Variants in GLIS1 observed in about 807,000 individuals in gnomAD.
GLIS1 encodes the protein GLIS family zinc finger 1.
In GLIS1, 24 loss-of-function variants were observed where a neutral mutation model predicts 63.8. The ratio of observed to expected loss-of-function variants is 0.38; its 90% confidence interval spans 0.27 to 0.53. The LOEUF (loss-of-function observed/expected upper bound fraction) is 0.53. Ranked by LOEUF, GLIS1 falls within the 20% of genes least tolerant of loss-of-function variation. The pLI, the probability that GLIS1 is intolerant of heterozygous loss-of-function variation, is 0.85. For synonymous variants in GLIS1, 450 were observed against 482.5 expected (o/e 0.93, Z 0.88); for missense variants, 1,036 against 1,074.1 (o/e 0.96, Z 0.50).
intron 6 of GLIS1, among the ~76,000 whole-genome samples, chr1:53,523,555 T>C (rs1644433254): frequency 6.6e-6 from 1 of 152,164 alleles, no homozygotes; most frequent in African/African-American, 2.4e-5. Flanking sequence ...TCCTCCTCTG[T>C]CATGCCAGTG....
chr1:53,673,902 T>C (rs1036777901), intron 2 of GLIS1, among the ~76,000 whole-genome samples: 2 of 152,210 alleles, frequency 1.3e-5, no homozygotes, highest in African/African-American at 4.8e-5. Context: ...CCGGGAGCGG[T>C]GGCTCACGCC....
At chr1:53,624,448 C>T (rs534307030) in intron 2 of GLIS1, among the ~76,000 whole-genome samples, 1 of 152,268 alleles carries the variant, frequency 6.6e-6, no homozygotes, top group East Asian at 1.9e-4. Flanking sequence ...GAAAAGAGCA[C>T]ACTTTGGGAC....
At chr1:53,554,768 T>G (rs1644799837) in intron 4 of GLIS1, among the ~76,000 whole-genome samples, 1 of 152,184 alleles carries the variant, frequency 6.6e-6, no homozygotes, top group Non-Finnish European at 1.5e-5. Context: ...TCTGACAGGC[T>G]GGGGCACATT....
chr1:53,523,005 T>TTTTTTTTTTA (rs1644427143), intron 6 of GLIS1, among the ~76,000 whole-genome samples: 3 of 149,928 alleles, frequency 2.0e-5, no homozygotes, highest in African/African-American at 7.4e-5. Context: ...TTTTTTTTTT[T>TTTTTTTTTTA]GAGACAGGGT....
At chr1:53,604,740 T>C (rs552527685) in intron 2 of GLIS1, among the ~76,000 whole-genome samples, 1 of 152,196 alleles carries the variant, frequency 6.6e-6, no homozygotes, top group East Asian at 1.9e-4. Flanking sequence ...GGGCAGGTGA[T>C]TTGCCCAAGC....
At chr1:53,670,079 C>T (rs558505425) in intron 2 of GLIS1, among the ~76,000 whole-genome samples, 1 of 152,332 alleles carries the variant, frequency 6.6e-6, no homozygotes, top group South Asian at 2.1e-4. Context: ...ACAAGAGTGG[C>T]TCAGCAGCCA....
chr1:53,725,962 C>T (rs1445269285), intron 2 of GLIS1, among the ~76,000 whole-genome samples: 1 of 152,192 alleles, frequency 6.6e-6, no homozygotes, highest in African/African-American at 2.4e-5. Flanking sequence ...TTCTTTCTAT[C>T]CTTTGCTCTA....
intron 4 of GLIS1, among the ~76,000 whole-genome samples, chr1:53,533,833 C>A (rs1293532315): frequency 6.6e-6 from 1 of 152,132 alleles, no homozygotes; most frequent in Non-Finnish European, 1.5e-5. Flanking sequence ...GGGATGAGAG[C>A]GACCATCAGT....
rs902458303 is a variant in GLIS1, at chr1:53,594,375, G to A, written c.1053C>T (p.Gly351=). ...CCAGCCCCAGGCCTCCAAGGCTTGG[G>A]CCAGGCGGCAACTGAGACAGGGGAT... ...PPYPLSQLPP[G]PSLGGLGLGL... Residue 351 remains glycine (G), a synonymous_variant, in exon 4 of 11, where the codon GGC becomes GGT. Transcript: ENST00000628545. 16 of 1,611,548 alleles carry A rather than the reference G, an allele frequency of 9.9e-6. No homozygotes were observed. The highest frequency in any genetic ancestry group is 1.4e-5 in the Non-Finnish European group (16 of 1,179,056).
intron 4 of GLIS1, among the ~76,000 whole-genome samples, chr1:53,545,531 T>G (rs550780902): frequency 6.6e-6 from 1 of 152,198 alleles, no homozygotes; most frequent in African/African-American, 2.4e-5. Flanking sequence ...ACAGTAAGTA[T>G]AGTATGATTC....
chr1:53,530,503 G>A (rs549681812), intron 4 of GLIS1, among the ~76,000 whole-genome samples: 62 of 152,278 alleles, frequency 4.1e-4, no homozygotes, highest in African/African-American at 1.3e-3. Flanking sequence ...GGGTTTGTCC[G>A]TCTGGAGCAC....
Position 53,532,833 on chromosome 1 carries a change from C to T in GLIS1, c.1321-2881G>A, listed in dbSNP as rs530472. Among the ~76,000 whole-genome samples the T allele has an allele frequency of 6.9e-3, 1,044 of 152,348 alleles. 18 individuals are homozygous for T. Among genetic ancestry groups the T allele is most frequent in the South Asian group, 0.045 (217 of 4,832 alleles). On this transcript the variant is annotated intron_variant, in intron 4 of 10. Coordinates refer to ENST00000628545, the MANE Select transcript of GLIS1 (RefSeq NM_001367484.1). ...CGAGGTCTGTGTATTCCTGCCTTGGCCAACCCTCTGCTCAGCACAGTTGCT... is the reference window on the plus strand; with the variant it reads ...CGAGGTCTGTGTATTCCTGCCTTGGTCAACCCTCTGCTCAGCACAGTTGCT...
chr1:53,678,468 G>A (rs894154590), intron 2 of GLIS1, among the ~76,000 whole-genome samples: 1 of 151,754 alleles, frequency 6.6e-6, no homozygotes, highest in African/African-American at 2.4e-5. Flanking sequence ...AAAAACAAAA[G>A]CCAGGTCTCT....
In GLIS1 at chr1:53,529,808, G is replaced by A. The variant is rs1183783382; in HGVS notation, c.1465C>T (p.Arg489Cys). 1.2e-6 allele frequency: 2 copies of A among 1,612,390 alleles called. No homozygotes were observed. Among genetic ancestry groups the A allele is most frequent in the African/African-American group, 2.7e-5 (2 of 74,898 alleles). ...GGGCCTACCGTGTCTAGGTGGGTGC[G>A]CTGGTGCTTGGCGCGGTCGCTGGAG... ...SNSSDRAKHQRTHLDTKPYAC... is the reference protein window; with the variant it reads ...SNSSDRAKHQCTHLDTKPYAC... The change falls in exon 5 of 11, where the codon CGC becomes TGC. Residue 489 changes from arginine (R) to cysteine (C), a missense_variant. Around this residue, in one of 3 missense-constraint regions of GLIS1, gnomAD observed 44 missense variants for 79.3 expected, o/e 0.55. Coordinates refer to ENST00000628545, the MANE Select transcript of GLIS1 (RefSeq NM_001367484.1).
At chr1:53,723,555 A>T (rs1170177522) in intron 2 of GLIS1, among the ~76,000 whole-genome samples, 2 of 152,176 alleles carry the variant, frequency 1.3e-5, no homozygotes, top group Non-Finnish European at 2.9e-5. Context: ...TGTAAGTAAT[A>T]AGACTATATT....
chr1:53,704,454 AGG>A (rs1179987653), intron 2 of GLIS1, among the ~76,000 whole-genome samples: 1 of 152,210 alleles, frequency 6.6e-6, no homozygotes, highest in African/African-American at 2.4e-5. Flanking sequence ...CCCTGACCTC[AGG>A]GGGTCTTTTA....
intron 4 of GLIS1, among the ~76,000 whole-genome samples, chr1:53,534,546 C>T (rs1310706971): frequency 6.6e-6 from 1 of 152,016 alleles, no homozygotes; most frequent in African/African-American, 2.4e-5. Context: ...GGGCACTGAG[C>T]CTGAGCTATG....
At chr1:53,566,763 T>C (rs954224781) in intron 4 of GLIS1, among the ~76,000 whole-genome samples, 28 of 152,244 alleles carry the variant, frequency 1.8e-4, no homozygotes, top group Non-Finnish European at 3.7e-4. Flanking sequence ...TGCTCCACCA[T>C]GGTAAGACAT....
At chr1:53,520,433 C>T (rs1644395756) in intron 7 of GLIS1, among the ~76,000 whole-genome samples, 1 of 152,244 alleles carries the variant, frequency 6.6e-6, no homozygotes, top group African/African-American at 2.4e-5. Context: ...AGGAAACGTC[C>T]ACCTAGTTAG....
Sources: allele counts gnomAD v4.1 joint callset (sites outside exome capture counted in the v4.1 genomes callset), GRCh38; gene constraint gnomAD v4.1.1; regional missense constraint gnomAD v4.1.1; transcripts MANE v1.5; gene names NCBI Gene and HGNC (gene_info 2026-07-23, HGNC 2026-07-21).